Variants in DST observed in about 807,000 individuals in gnomAD.
DST encodes dystonin.
Under a neutral mutation model 875.2 loss-of-function variants are expected in DST, and 253 were observed. That is an observed-to-expected ratio of 0.29 (90% CI 0.26 to 0.32). The LOEUF is 0.32. DST is among the 10% of genes least tolerant of loss of function. DST has a pLI of 1.00. For missense variants in DST, 8,287 were observed against 9,111.6 expected, an observed-to-expected ratio of 0.91 and a Z score of 3.68; for synonymous variants, 3,124 against 3,197.1, an observed-to-expected ratio of 0.98 and a Z score of 0.77.
chr6:56,843,454 C>T (rs2099802963), intron 4 of DST: 3 of 1,011,660 alleles, frequency 3.0e-6, no homozygotes, highest in South Asian at 9.2e-5. Flanking sequence ...ACGAGCAGCG[C>T]CACGCCAAGC....
intron 4 of DST, among the ~76,000 whole-genome samples, chr6:56,801,741 A>G (rs933322875): frequency 2.7e-4 from 40 of 150,192 alleles, no homozygotes; most frequent in African/African-American, 8.6e-4. Flanking sequence ...TACAAGTCAC[A>G]CAATAATTTT....
At chr6:56,950,518 C>T (rs117201733) in intron 2 of DST, among the ~76,000 whole-genome samples, 1 of 152,256 alleles carries the variant, frequency 6.6e-6, no homozygotes, top group East Asian at 1.9e-4. Context: ...TATTTAAAGT[C>T]ACAGCATAAA....
intron 69 of DST, among the ~76,000 whole-genome samples, chr6:56,521,601 GAAAAAAAAAAAAAAA>G (rs10547460): frequency 1.1e-5 from 1 of 92,050 alleles, no homozygotes; most frequent in Non-Finnish European, 2.1e-5. Context: ...CTCTGCTAAG[GAAAAAAAAAAAAAAA>G]AAAAAAAAAG....
chr6:56,670,129 C>CGTGT (rs1005416477), intron 10 of DST, among the ~76,000 whole-genome samples: 19 of 107,926 alleles, frequency 1.8e-4, no homozygotes, highest in African/African-American at 7.6e-4. Flanking sequence ...TGCGAGCGCC[C>CGTGT]GTGCGTGTGT....
chr6:56,933,761 A>T (rs927229249), intron 2 of DST, among the ~76,000 whole-genome samples: 6 of 152,174 alleles, frequency 3.9e-5, no homozygotes, highest in Admixed American at 6.5e-5. Context: ...CATTAGAGGT[A>T]TGTGGGAGCT....
chr6:56,926,715 G>C (rs186186789), intron 2 of DST, among the ~76,000 whole-genome samples: 1 of 152,084 alleles, frequency 6.6e-6, no homozygotes, highest in African/African-American at 2.4e-5. Context: ...TTTTTATTAA[G>C]AGGAAGACTG....
At chr6:56,619,250 G>C in intron 36 of DST, 1 of 1,612,882 alleles carries the variant, frequency 6.2e-7, no homozygotes, top group Non-Finnish European at 8.5e-7. Flanking sequence ...CTCTGATTCT[G>C]CCTGAATTCT....
chr6:56,875,175 G>A (rs977404793), intron 3 of DST, among the ~76,000 whole-genome samples: 2 of 152,020 alleles, frequency 1.3e-5, no homozygotes, highest in East Asian at 1.9e-4. Flanking sequence ...TAATAGAGAC[G>A]GGGTTTCACC....
rs1023063028 is a variant in DST, at chr6:56,905,626, G to A, written c.217-5005C>T. Among the ~76,000 whole-genome samples, 4 of 150,808 alleles carry A rather than the reference G, an allele frequency of 2.7e-5. No homozygotes were observed. In the East Asian group the frequency reaches 7.8e-4, roughly 29 times the overall value. ...AAGGCTGAGTACTATTCCATTGTATGCATATATTGCGTTTTCTTTTTCTCT... is the reference window on the plus strand; with the variant it reads ...AAGGCTGAGTACTATTCCATTGTATACATATATTGCGTTTTCTTTTTCTCT... On this transcript the variant is annotated intron_variant, in intron 2 of 103. Coordinates refer to ENST00000680361, the MANE Select transcript of DST (RefSeq NM_001374736.1).
chr6:56,532,576 T>C, intron 63 of DST, 66 bp from the exon 64 acceptor site: 14 of 1,401,670 alleles, frequency 1.0e-5, no homozygotes, highest in Non-Finnish European at 1.4e-5. Context: ...GTACAATGTA[T>C]TCTAAGTACA....
chr6:56,706,843 T>C (rs982002121), intron 5 of DST, among the ~76,000 whole-genome samples: 4 of 151,316 alleles, frequency 2.6e-5, no homozygotes, highest in African/African-American at 9.7e-5. Context: ...CTACTAAAAA[T>C]AACAAAAAAA....
intron 59 of DST, among the ~76,000 whole-genome samples, 184 bp downstream of exon 59, chr6:56,557,135 G>C (rs1411367435): frequency 2.0e-5 from 3 of 152,194 alleles, no homozygotes; most frequent in Non-Finnish European, 4.4e-5. Context: ...TATAGCTTTA[G>C]TTCTTTGGGG....
At position 56,515,780 on chromosome 6, in the gene DST, A is replaced by C. The variant is rs184380310; in HGVS notation, c.18358-112T>G. 6.9e-5 allele frequency: 49 copies of C among 708,748 alleles called. No homozygotes were observed. The Admixed American group carries it at 8.9e-4, about 13-fold the overall frequency. The allele number at this position is 708,748 out of a possible 1,614,324, so 43.9% of individuals were successfully genotyped here. A position where few individuals can be genotyped will look rare whatever the true frequency, so the allele number is the denominator to read the frequency against. ...GACAGAGTGGGCGTTTGACAAATATATGTTAAATGAATACATCAGTAAAAG... is the reference window on the plus strand; with the variant it reads ...GACAGAGTGGGCGTTTGACAAATATCTGTTAAATGAATACATCAGTAAAAG... On this transcript the variant is annotated intron_variant, in intron 71 of 103. Coordinates refer to ENST00000680361, the MANE Select transcript of DST (RefSeq NM_001374736.1).
intron 47 of DST, 69 bp from the exon 48 acceptor site, chr6:56,594,262 C>T (rs542077656): frequency 3.5e-5 from 45 of 1,275,548 alleles, no homozygotes; most frequent in Middle Eastern, 3.9e-4. Context: ...AGCTCCTTGC[C>T]GCCTCAAGAC....
intron 5 of DST, among the ~76,000 whole-genome samples, chr6:56,707,721 T>C (rs2099346857): frequency 6.6e-6 from 1 of 152,202 alleles, no homozygotes; most frequent in African/African-American, 2.4e-5. Flanking sequence ...ATTTCACAAC[T>C]TGACTTGCCA....
intron 4 of DST, among the ~76,000 whole-genome samples, chr6:56,784,197 C>T (rs1483516019): frequency 2.6e-5 from 4 of 152,066 alleles, no homozygotes; most frequent in Non-Finnish European, 4.4e-5. Flanking sequence ...GTGACAATTA[C>T]GTGTCTTGGA....
At chr6:56,748,318 A>T (rs775472042) in intron 4 of DST, among the ~76,000 whole-genome samples, 45 of 152,190 alleles carry the variant, frequency 3.0e-4, no homozygotes, top group Non-Finnish European at 1.5e-4. Flanking sequence ...AGATTTAGGA[A>T]TCAGTAGGAG....
chr6:56,827,493 T>G (rs1187695982), intron 4 of DST, among the ~76,000 whole-genome samples: 13 of 114,168 alleles, frequency 1.1e-4, no homozygotes, highest in African/African-American at 4.3e-4. Flanking sequence ...GGCAACAGAG[T>G]GAGACTCCGT....
intron 2 of DST, among the ~76,000 whole-genome samples, chr6:56,922,835 A>C (rs1804999920): frequency 6.6e-6 from 1 of 152,182 alleles, no homozygotes; most frequent in South Asian, 2.1e-4. Context: ...GGTCAGATAC[A>C]AATAATGCTG....
Sources: gnomAD v4.1 joint callset for allele counts (sites outside exome capture counted in the v4.1 genomes callset) on GRCh38, gnomAD v4.1.1 for gene constraint, MANE v1.5 for transcripts, NCBI Gene and HGNC (gene_info 2026-07-23, HGNC 2026-07-21) for gene names.